The following XKR9 variants were observed in gnomAD, a reference collection of about 807,000 sequenced individuals.
XKR9 encodes XK related 9, also known as XK-related protein 9.
XKR9 carries 32 observed loss-of-function variants against 32.0 expected under a neutral mutation model. The ratio of observed to expected loss-of-function variants is 1.00; its 90% CI spans 0.76 to 1.34. XKR9 has a LOEUF of 1.34. Ranked by LOEUF, XKR9 falls within the 40% of genes most tolerant of loss-of-function variation. The pLI, the probability that XKR9 is intolerant of heterozygous loss-of-function variation, is 0.00. For missense variants in XKR9, 546 were observed against 429.7 expected, an observed-to-expected ratio of 1.27 and a Z score of -2.39; for synonymous variants, 168 against 143.4, an observed-to-expected ratio of 1.17 and a Z score of -1.22.
At chr8:70,880,871 T>C in the XKR9 span, among the ~76,000 whole-genome samples, 2 of 152,032 alleles carry the variant, frequency 1.3e-5, no homozygotes, top group Admixed American at 6.6e-5. Flanking sequence ...ACTTCAAATG[T>C]ACTACAAGGC....
intron 2 of XKR9, among the ~76,000 whole-genome samples, chr8:70,782,710 TA>T (rs1199125590): frequency 6.6e-6 from 1 of 152,180 alleles, no homozygotes; most frequent in Non-Finnish European, 1.5e-5. Context: ...TCACTTAGGA[TA>T]ATGTTCTCCA....
intron 3 of XKR9, among the ~76,000 whole-genome samples, chr8:70,697,128 A>G (rs916903611): frequency 6.6e-5 from 10 of 150,434 alleles, no homozygotes; most frequent in Non-Finnish European, 1.0e-4. Context: ...GTCATCTGCA[A>G]ACAGGGACAA....
intron 2 of XKR9, among the ~76,000 whole-genome samples, chr8:70,741,681 C>T (rs577875435): frequency 6.6e-6 from 1 of 152,240 alleles, no homozygotes; most frequent in Admixed American, 6.5e-5. Flanking sequence ...GTTGCTTCCA[C>T]CTCTTGGCTA....
the XKR9 span, among the ~76,000 whole-genome samples, chr8:70,939,771 A>G: frequency 1.3e-5 from 2 of 152,038 alleles, no homozygotes; most frequent in South Asian, 2.1e-4. Flanking sequence ...AAAGAAAAAA[A>G]GACATGGTCC....
At chr8:70,837,862 T>C in the XKR9 span, among the ~76,000 whole-genome samples, 1 of 152,088 alleles carries the variant, frequency 6.6e-6, no homozygotes, top group South Asian at 2.1e-4. Context: ...AACATAAAGA[T>C]GGTGAAAACA....
chr8:70,907,160 C>A, the XKR9 span, among the ~76,000 whole-genome samples: 1 of 152,098 alleles, frequency 6.6e-6, no homozygotes, highest in African/African-American at 2.4e-5. Context: ...CACCATTTCT[C>A]ATAAAATTTA....
chr8:70,678,095 C>A (rs995788814), intron 2 of XKR9: 5 of 152,142 alleles, frequency 3.3e-5, no homozygotes, highest in Non-Finnish European at 5.9e-5. Flanking sequence ...GCTTTTCCAT[C>A]TCTATGCACA....
At chr8:70,733,568 C>G (rs573574176) in intron 4 of XKR9, among the ~76,000 whole-genome samples, 1 of 152,108 alleles carries the variant, frequency 6.6e-6, no homozygotes, top group South Asian at 2.1e-4. Context: ...AGGTTCAAAT[C>G]TCAGTTCTGC....
chr8:71,041,886 T>C, the XKR9 span, among the ~76,000 whole-genome samples: 2 of 152,222 alleles, frequency 1.3e-5, no homozygotes, highest in Non-Finnish European at 2.9e-5. Context: ...CCTCTTTCTT[T>C]TATAAATTAC....
At chr8:71,064,555 GAAT>G in the XKR9 span, among the ~76,000 whole-genome samples, 333 of 152,268 alleles carry the variant, frequency 2.2e-3, 2 homozygotes, top group African/African-American at 7.5e-3. Flanking sequence ...CTCATTGAAT[GAAT>G]CTGCATTAGT....
the XKR9 span, among the ~76,000 whole-genome samples, chr8:70,912,770 G>A: frequency 6.6e-6 from 1 of 152,070 alleles, no homozygotes; most frequent in Admixed American, 6.6e-5. Context: ...GCTTAAGAGA[G>A]AAGTGCAAAA....
the XKR9 span, among the ~76,000 whole-genome samples, chr8:70,981,874 C>A: frequency 0.032 from 4,798 of 152,298 alleles, 310 homozygotes; most frequent in Admixed American, 0.17. Context: ...ATGAATGGGG[C>A]TTCCCAAGAG....
At chr8:70,738,495 T>C (rs2130153574), downstream of XKR9, among the ~76,000 whole-genome samples, 1 of 149,688 alleles carries the variant, frequency 6.7e-6, no homozygotes, top group African/African-American at 2.4e-5. Flanking sequence ...TTTTAGTTAT[T>C]TCTTGCCTTC....
chr8:70,818,314 G>A, the XKR9 span, among the ~76,000 whole-genome samples: 28 of 151,680 alleles, frequency 1.8e-4, no homozygotes, highest in African/African-American at 6.5e-4. Flanking sequence ...CACCACCCAG[G>A]CATTCTTGTT....
chr8:71,018,154 T>C, the XKR9 span, among the ~76,000 whole-genome samples: 1 of 152,186 alleles, frequency 6.6e-6, no homozygotes, highest in Non-Finnish European at 1.5e-5. Context: ...ATTAGAAGGA[T>C]TGCAGACAGC....
chr8:70,694,570 C>T (rs1805194171), intron 3 of XKR9, among the ~76,000 whole-genome samples: 1 of 152,186 alleles, frequency 6.6e-6, no homozygotes, highest in South Asian at 2.1e-4. Flanking sequence ...GTGGGAATCC[C>T]TTCTGCCTTG....
chr8:70,701,965 G>A (rs1370679092), intron 3 of XKR9, among the ~76,000 whole-genome samples: 1 of 152,130 alleles, frequency 6.6e-6, no homozygotes, highest in Admixed American at 6.5e-5. Context: ...TATTTAAAAT[G>A]TGGAAATGGC....
chr8:70,917,480 T>A, the XKR9 span, among the ~76,000 whole-genome samples: 7 of 152,190 alleles, frequency 4.6e-5, no homozygotes, highest in African/African-American at 1.7e-4. Context: ...TTATACTTTT[T>A]TTTTTGACTC....
At chr8:70,870,140 G>T in the XKR9 span, among the ~76,000 whole-genome samples, 1 of 152,134 alleles carries the variant, frequency 6.6e-6, no homozygotes, top group Non-Finnish European at 1.5e-5. Flanking sequence ...CTCTTGTAAG[G>T]TCTTAACTAG....
Sources: allele counts gnomAD v4.1 joint callset (sites outside exome capture counted in the v4.1 genomes callset), GRCh38; gene constraint gnomAD v4.1.1; transcripts MANE v1.5; gene names NCBI Gene and HGNC (gene_info 2026-07-23, HGNC 2026-07-21).